The following ANKRD45 variants were observed in gnomAD, a reference collection of about 807,000 sequenced individuals.
ANKRD45 encodes the protein ankyrin repeat domain-containing protein 45.
ANKRD45 carries 21 observed loss-of-function variants against 28.1 expected under a neutral mutation model. The observed-to-expected ratio is 0.75, with a 90% CI of 0.53 to 1.08. The LOEUF (loss-of-function observed/expected upper bound fraction) is 1.08, where lower values mean the gene tolerates loss of function less well. Among genes scored for constraint, ANKRD45 ranks in the 50% least tolerant of loss-of-function variants. The probability of loss-of-function intolerance (pLI) is 0.00; values close to 1 mark genes in which losing one functional copy is unlikely to be tolerated. For synonymous variants in ANKRD45, 86 were observed against 103.9 expected (o/e 0.83, Z 1.05); for missense variants, 261 against 308.7 (o/e 0.85, Z 1.16).
At chr1:173,612,164 G>C (rs890324836) in intron 5 of ANKRD45, among the ~76,000 whole-genome samples, 9 of 151,982 alleles carry the variant, frequency 5.9e-5, no homozygotes, top group Non-Finnish European at 1.0e-4. Flanking sequence ...GGATTGCTTG[G>C]GCCCAGGGAG....
chr1:173,641,072 C>T (rs1198787926), intron 3 of ANKRD45, among the ~76,000 whole-genome samples: 1 of 152,118 alleles, frequency 6.6e-6, no homozygotes, highest in East Asian at 1.9e-4. Flanking sequence ...TCTTCGGTAG[C>T]CTCAGTTTTA....
chr1:173,685,316 G>T, the ANKRD45 span, among the ~76,000 whole-genome samples: 3 of 152,190 alleles, frequency 2.0e-5, no homozygotes, highest in Non-Finnish European at 4.4e-5. Flanking sequence ...CTTTGTATTG[G>T]GAGATGGAAG....
chr1:173,692,974 T>C, the ANKRD45 span, among the ~76,000 whole-genome samples: 1 of 152,122 alleles, frequency 6.6e-6, no homozygotes, highest in African/African-American at 2.4e-5. Flanking sequence ...TCTGTTCTTA[T>C]ATTTTAACGT....
At chr1:173,636,583 C>G (rs1668453597) in intron 3 of ANKRD45, among the ~76,000 whole-genome samples, 1 of 152,152 alleles carries the variant, frequency 6.6e-6, no homozygotes, top group Non-Finnish European at 1.5e-5. Flanking sequence ...ATAGGACACA[C>G]TAATTGTTTG....
intron 3 of ANKRD45, chr1:173,636,689 T>A: frequency 1.5e-6 from 1 of 654,068 alleles, no homozygotes; most frequent in Non-Finnish European, 2.5e-6. Context: ...GTATAAATAA[T>A]TGATGTGTGC....
chr1:173,688,692 CCTCT>C, the ANKRD45 span, among the ~76,000 whole-genome samples: 8,473 of 123,508 alleles, frequency 0.069, 772 homozygotes, highest in East Asian at 0.28. Context: ...CTGCCTCTTT[CCTCT>C]CTCTCTTTCT....
intron 3 of ANKRD45, chr1:173,635,538 T>A (rs1382953779): frequency 6.5e-7 from 1 of 1,530,586 alleles, no homozygotes; most frequent in Non-Finnish European, 8.7e-7. Flanking sequence ...AATCAAAGAC[T>A]ACCGCTGATT....
At chr1:173,683,497 T>G in the ANKRD45 span, among the ~76,000 whole-genome samples, 6 of 152,164 alleles carry the variant, frequency 3.9e-5, no homozygotes, top group Middle Eastern at 3.4e-3. Flanking sequence ...CTCGAACAAA[T>G]TTGGGGAGAT....
chr1:173,671,888 A>C (rs933619217), upstream of ANKRD45, among the ~76,000 whole-genome samples: 3 of 151,862 alleles, frequency 2.0e-5, no homozygotes, highest in African/African-American at 7.3e-5. Flanking sequence ...TCTCAAAAAA[A>C]AAAAAAAAAG....
upstream of ANKRD45, among the ~76,000 whole-genome samples, chr1:173,671,331 A>G (rs1331027463): frequency 6.6e-6 from 1 of 152,168 alleles, no homozygotes; most frequent in Admixed American, 6.6e-5. Flanking sequence ...AGTACTTCTT[A>G]CAGGTGAGTG....
rs1271805788 is a variant in ANKRD45 at position 173,613,350 on chromosome 1, C to A, written c.731-3135G>T. 4.0e-5 allele frequency among the ~76,000 whole-genome samples: 6 copies of A among 151,532 alleles called. No homozygotes were observed. The East Asian group carries it at 7.8e-4, about 20-fold the overall frequency. On this transcript the variant is annotated intron_variant, in intron 5 of 5. Coordinates refer to ENST00000333279, the MANE Select transcript of ANKRD45 (RefSeq NM_198493.3). Reference sequence around the variant, plus strand: ...GTCTGAGAAGCGAGGAGCCCCTCCGCCCAGCAGCCGCCCCGTCTGAGAAGT... The same window carrying A: ...GTCTGAGAAGCGAGGAGCCCCTCCGACCAGCAGCCGCCCCGTCTGAGAAGT...
chr1:173,673,269 C>T (rs1019941781), upstream of ANKRD45, among the ~76,000 whole-genome samples: 1 of 151,992 alleles, frequency 6.6e-6, no homozygotes, highest in African/African-American at 2.4e-5. Flanking sequence ...CATCACCACG[C>T]CTTGCTAATT....
the ANKRD45 span, among the ~76,000 whole-genome samples, chr1:173,683,019 G>A: frequency 6.6e-6 from 1 of 151,390 alleles, no homozygotes; most frequent in Non-Finnish European, 1.5e-5. Flanking sequence ...CCACTACAGA[G>A]GCCTTGTTCC....
At chr1:173,671,506 C>T (rs955561859), upstream of ANKRD45, among the ~76,000 whole-genome samples, 4 of 152,084 alleles carry the variant, frequency 2.6e-5, no homozygotes, top group Non-Finnish European at 1.5e-5. Context: ...GGCCACTGCA[C>T]ATGTGGATAG....
intron 3 of ANKRD45, among the ~76,000 whole-genome samples, chr1:173,644,344 C>T (rs1194543396): frequency 2.0e-5 from 3 of 151,932 alleles, no homozygotes; most frequent in African/African-American, 7.3e-5. Context: ...CTGAATTAAA[C>T]AAATAGTAAG....
intron 3 of ANKRD45, among the ~76,000 whole-genome samples, chr1:173,634,624 T>A (rs1668339985): frequency 6.6e-6 from 1 of 152,036 alleles, no homozygotes. Flanking sequence ...GTGGGACTCA[T>A]TGCCCTCTCA....
At chr1:173,613,465 G>T (rs1240932818) in intron 5 of ANKRD45, among the ~76,000 whole-genome samples, 14 of 138,358 alleles carry the variant, frequency 1.0e-4, no homozygotes, top group African/African-American at 4.3e-4. Context: ...GAGGTGGGGG[G>T]CAGCCCCCGC....
chr1:173,692,331 C>T, the ANKRD45 span, among the ~76,000 whole-genome samples: 25 of 152,048 alleles, frequency 1.6e-4, no homozygotes, highest in Admixed American at 7.9e-4. Flanking sequence ...ACATTGGTTC[C>T]GTCTGGAAAG....
chr1:173,660,307 T>C (rs1489311296), intron 1 of ANKRD45, among the ~76,000 whole-genome samples: 1 of 152,150 alleles, frequency 6.6e-6, no homozygotes, highest in Non-Finnish European at 1.5e-5. Context: ...ACAAGAATGT[T>C]TGTGGCATCA....
Sources: allele counts gnomAD v4.1 joint callset (sites outside exome capture counted in the v4.1 genomes callset), GRCh38; gene constraint gnomAD v4.1.1; transcripts MANE v1.5; gene names NCBI Gene and HGNC (gene_info 2026-07-23, HGNC 2026-07-21).